The following KANSL1 variants were observed in gnomAD, a reference collection of about 807,000 sequenced individuals.
The protein encoded by KANSL1 is KAT8 regulatory NSL complex subunit 1.
In KANSL1, 22 loss-of-function variants were observed where a neutral mutation model predicts 103.6. The observed-to-expected ratio is 0.21, with a 90% confidence interval of 0.15 to 0.30. The LOEUF is 0.30. KANSL1 is among the 10% of genes least tolerant of loss of function. The pLI, the probability that KANSL1 is intolerant of heterozygous loss-of-function variation, is 1.00. For synonymous variants in KANSL1, 600 were observed against 527.6 expected, an observed-to-expected ratio of 1.14 and a Z score of -1.88; for missense variants, 1,337 against 1,399.8, an observed-to-expected ratio of 0.96 and a Z score of 0.72.
chr17:46,073,341 A>C (rs989079959), intron 4 of KANSL1, among the ~76,000 whole-genome samples: 5 of 152,340 alleles, frequency 3.3e-5, no homozygotes, highest in Middle Eastern at 3.4e-3. Flanking sequence ...TTACAAACAG[A>C]AACTAACACA....
intron 3 of KANSL1, among the ~76,000 whole-genome samples, chr17:46,084,202 T>G (rs2079078853): frequency 1.4e-5 from 2 of 147,452 alleles, no homozygotes; most frequent in Admixed American, 6.9e-5. Flanking sequence ...GCCAACATGG[T>G]GAAACCCCAT....
At chr17:46,119,455 C>A (rs963792990) in intron 2 of KANSL1, among the ~76,000 whole-genome samples, 1 of 151,878 alleles carries the variant, frequency 6.6e-6, no homozygotes, top group Non-Finnish European at 1.5e-5. Context: ...TACAGGTGCA[C>A]GCCACCACGT....
At chr17:46,094,423 A>T (rs574274735) in intron 3 of KANSL1, 137 bp downstream of exon 3, 23 of 1,069,086 alleles carry the variant, frequency 2.2e-5, no homozygotes, top group Non-Finnish European at 2.7e-5. Flanking sequence ...TTAAACCACT[A>T]TATCAGGTCA....
intron 2 of KANSL1, among the ~76,000 whole-genome samples, chr17:46,154,594 T>C (rs919389626): frequency 6.6e-6 from 1 of 152,142 alleles, no homozygotes; most frequent in African/African-American, 2.4e-5. Flanking sequence ...TCACCACAAT[T>C]ATAAAAAGAG....
intron 1 of KANSL1, among the ~76,000 whole-genome samples, chr17:46,176,013 A>G (rs1414803842): frequency 1.3e-5 from 2 of 152,244 alleles, no homozygotes; most frequent in Admixed American, 6.5e-5. Flanking sequence ...TCACTACCAG[A>G]TAATTCCCAT....
In KANSL1 at chr17:46,033,073, C is replaced by A. The variant is rs780476310; in HGVS notation, c.2837+7G>T. ...CAGGCCCTGGGGACCCAAGCCTGCC[C>A]CATCACCTGCTGCCCCGCCGCTGGG... On this transcript the variant is annotated splice_region_variant and intron_variant, in intron 13 of 14. Transcript: ENST00000432791. The A allele has an allele frequency of 3.8e-6, 6 of 1,561,906 alleles. No homozygotes were observed. In the East Asian group the frequency reaches 1.2e-4, roughly 31 times the overall value.
At position 46,072,101 on chromosome 17, in the gene KANSL1, G is replaced by A. The variant is rs371965432; in HGVS notation, c.1534-4434C>T. Among the ~76,000 whole-genome samples, 12 of 151,388 alleles carry A rather than the reference G, an allele frequency of 7.9e-5. 1 individual carries two copies. The East Asian group carries it at 1.9e-3, about 24-fold the overall frequency. On this transcript the variant is annotated intron_variant, in intron 4 of 14. Transcript: ENST00000432791. The stretch of plus-strand genomic sequence containing the variant: ...GCATCTCATTCATTACTCCACTCTG[G>A]GCCAGATCAAGTAAGCGTGACAAAG...
chr17:46,122,616 A>T (rs920630824), intron 2 of KANSL1, among the ~76,000 whole-genome samples: 6 of 151,732 alleles, frequency 4.0e-5, no homozygotes, highest in Admixed American at 1.3e-4. Flanking sequence ...ATGCTGTTTT[A>T]AAAAAAAACA....
intron 1 of KANSL1, among the ~76,000 whole-genome samples, chr17:46,220,912 T>C (rs2048513030): frequency 6.6e-6 from 1 of 152,138 alleles, no homozygotes; most frequent in Admixed American, 6.5e-5. Context: ...GGTCTCAGAC[T>C]CCTGACCTCA....
intron 6 of KANSL1, among the ~76,000 whole-genome samples, chr17:46,062,246 CTATT>C (rs2078201621): frequency 6.6e-6 from 1 of 151,390 alleles, no homozygotes; most frequent in Admixed American, 6.6e-5. Context: ...TCAAGGCTTC[CTATT>C]TATTTACTGA....
intron 1 of KANSL1, among the ~76,000 whole-genome samples, chr17:46,201,156 C>G (rs551149826): frequency 2.6e-5 from 4 of 152,208 alleles, no homozygotes; most frequent in African/African-American, 4.8e-5. Context: ...AGGTGATCCG[C>G]CCATCTCAGC....
chr17:46,137,866 C>CAA (rs368446805), intron 2 of KANSL1, among the ~76,000 whole-genome samples: 13,549 of 88,086 alleles, frequency 0.15, 1 homozygote, highest in Non-Finnish European at 0.22. Flanking sequence ...GACTCTGTCT[C>CAA]AAAAAAAAAA....
intron 2 of KANSL1, among the ~76,000 whole-genome samples, chr17:46,111,337 T>C (rs1312547833): frequency 1.3e-5 from 2 of 152,200 alleles, no homozygotes; most frequent in African/African-American, 4.8e-5. Context: ...GCCTCGCAGG[T>C]AGCTAGGACT....
intron 2 of KANSL1, among the ~76,000 whole-genome samples, chr17:46,138,630 C>G (rs185429944): frequency 5.5e-4 from 84 of 152,342 alleles, no homozygotes; most frequent in Admixed American, 5.4e-3. Context: ...CATTTCACAT[C>G]AGAGAGACTC....
At chr17:46,064,755 G>A (rs76307183) in intron 6 of KANSL1, among the ~76,000 whole-genome samples, 21,801 of 152,050 alleles carry the variant, frequency 0.14, 2,131 homozygotes, top group Non-Finnish European at 0.22. Flanking sequence ...GGAATGAGGA[G>A]GAATACCTAA....
At chr17:46,073,978 T>C (rs1490967211) in intron 4 of KANSL1, among the ~76,000 whole-genome samples, 2 of 152,086 alleles carry the variant, frequency 1.3e-5, no homozygotes, top group Non-Finnish European at 2.9e-5. Flanking sequence ...ACAGGTTAAG[T>C]AGATACAGAA....
At chr17:46,200,069 T>C (rs532672138) in intron 1 of KANSL1, among the ~76,000 whole-genome samples, 9 of 127,958 alleles carry the variant, frequency 7.0e-5, no homozygotes, top group South Asian at 6.9e-4. Context: ...ACACACACCC[T>C]GATTATTTTG....
chr17:46,136,197 T>C (rs2044132726), intron 2 of KANSL1, among the ~76,000 whole-genome samples: 2 of 152,134 alleles, frequency 1.3e-5, no homozygotes, highest in Admixed American at 1.3e-4. Context: ...TAATCCATGG[T>C]AAAAGTCACA....
chr17:46,082,625 T>A (rs745796079), intron 3 of KANSL1, 83 bp from the exon 4 acceptor site: 2 of 728,828 alleles, frequency 2.7e-6, no homozygotes, highest in Non-Finnish European at 4.6e-6. Context: ...TCAAAAGGAC[T>A]GTTGGTGTAC....
Sources: allele counts gnomAD v4.1 joint callset (sites outside exome capture counted in the v4.1 genomes callset), GRCh38; gene constraint gnomAD v4.1.1; transcripts MANE v1.5; gene names NCBI Gene and HGNC (gene_info 2026-07-23, HGNC 2026-07-21).